RIMS2: variants seen among roughly 807,000 people sequenced by gnomAD.
RIMS2 encodes the protein regulating synaptic membrane exocytosis 2.
RIMS2 carries 59 observed loss-of-function variants against 174.4 expected under a neutral mutation model. That is an observed-to-expected ratio of 0.34 (90% CI 0.27 to 0.42). The LOEUF is 0.42. Ranked by LOEUF, RIMS2 falls within the 10% of genes least tolerant of loss-of-function variation. The pLI is 1.00. For missense variants in RIMS2, 1,620 were observed against 1,666.3 expected (o/e 0.97, Z 0.48); for synonymous variants, 606 against 572.5 (o/e 1.06, Z -0.84).
intron 19 of RIMS2, among the ~76,000 whole-genome samples, chr8:104,224,743 C>T (rs2138783997): frequency 6.6e-6 from 1 of 152,170 alleles, no homozygotes; most frequent in South Asian, 2.1e-4. Flanking sequence ...AGAAATTGCC[C>T]GTTCTAAAAA....
chr8:103,959,544 C>T (rs995459195), intron 14 of RIMS2, among the ~76,000 whole-genome samples: 2 of 151,926 alleles, frequency 1.3e-5, no homozygotes, highest in Non-Finnish European at 2.9e-5. Flanking sequence ...GCTGGGACTA[C>T]AGGTGCATGC....
At chr8:104,039,553 CA>C (rs2096574021) in intron 19 of RIMS2, among the ~76,000 whole-genome samples, 1 of 151,474 alleles carries the variant, frequency 6.6e-6, no homozygotes, top group African/African-American at 2.4e-5. Context: ...ATACTTTCTG[CA>C]AACAATAAGA....
chr8:103,500,768 G>T (rs911340506), exon 1 of RIMS2: 151 of 575,808 alleles, frequency 2.6e-4, no homozygotes, highest in Non-Finnish European at 4.4e-4. Flanking sequence ...TGGATTGAAG[G>T]CCATTGATTT....
chr8:104,197,222 C>CTGGA (rs886406458), intron 19 of RIMS2, among the ~76,000 whole-genome samples: 17 of 147,556 alleles, frequency 1.2e-4, no homozygotes, highest in African/African-American at 4.0e-4. Flanking sequence ...GTTGCCCAGG[C>CTGGA]TGGAGTACAA....
At chr8:103,961,269 A>G (rs761258208) in intron 15 of RIMS2, 136 bp downstream of exon 17, 3 of 587,842 alleles carry the variant, frequency 5.1e-6, no homozygotes, top group Non-Finnish European at 9.0e-6. Context: ...GCAACCTATG[A>G]CAACTTAAAC....
intron 19 of RIMS2, among the ~76,000 whole-genome samples, chr8:104,074,403 T>C (rs1401934355): frequency 2.6e-5 from 4 of 152,186 alleles, no homozygotes; most frequent in Admixed American, 6.6e-5. Context: ...ATAAATTGTT[T>C]AGCACCTAGT....
intron 1 of RIMS2, among the ~76,000 whole-genome samples, chr8:103,589,193 GA>G (rs1185790999): frequency 6.6e-6 from 1 of 151,500 alleles, no homozygotes; most frequent in Non-Finnish European, 1.5e-5. Context: ...CTGATAAGGG[GA>G]TAATAACCAG....
At chr8:103,660,143 C>T (rs1483642711) in intron 1 of RIMS2, among the ~76,000 whole-genome samples, 1 of 152,200 alleles carries the variant, frequency 6.6e-6, no homozygotes, top group South Asian at 2.1e-4. Context: ...ACGTCAATTA[C>T]CTGGATGTTG....
intron 17 of RIMS2, among the ~76,000 whole-genome samples, chr8:104,006,797 AAT>A (rs5893671): frequency 6.6e-6 from 1 of 150,924 alleles, no homozygotes; most frequent in African/African-American, 2.4e-5. Context: ...CTTTACTGAT[AAT>A]ATATATATAT....
chr8:104,134,033 A>G (rs939262361), intron 19 of RIMS2, among the ~76,000 whole-genome samples: 5 of 152,176 alleles, frequency 3.3e-5, no homozygotes, highest in African/African-American at 9.7e-5. Context: ...GAGATTATAT[A>G]TATTTACAAA....
rs143440729 is a variant in RIMS2 at position 103,719,167 on chromosome 8, T to G, written c.387+21871T>G. ...TTAGTGCAAAAGTAATGTTTTAACT[T>G]GACCAGCCATTTGTGATGATGAAGG... On this transcript the variant is annotated intron_variant, in intron 2 of 23. Transcript: ENST00000504942. 7.2e-5 allele frequency among the ~76,000 whole-genome samples: 11 copies of G among 152,328 alleles called. No homozygotes were observed. In the East Asian group the frequency reaches 2.1e-3, roughly 29 times the overall value.
chr8:103,962,379 C>A (rs2090419767), intron 15 of RIMS2, among the ~76,000 whole-genome samples: 1 of 152,088 alleles, frequency 6.6e-6, no homozygotes, highest in Non-Finnish European at 1.5e-5. Context: ...TGTTTAGAAA[C>A]CCTACCCCAC....
chr8:103,574,141 G>A (rs1230461120), intron 1 of RIMS2, among the ~76,000 whole-genome samples: 1 of 151,218 alleles, frequency 6.6e-6, no homozygotes, highest in Non-Finnish European at 1.5e-5. Flanking sequence ...TCTTTTGCAA[G>A]TTGAACTGCT....
chr8:104,001,399 T>G (rs1369098157), intron 17 of RIMS2, among the ~76,000 whole-genome samples: 3 of 151,964 alleles, frequency 2.0e-5, no homozygotes, highest in African/African-American at 7.2e-5. Context: ...AATATTAGCT[T>G]TCATTCCAAT....
At chr8:103,681,366 A>G (rs2096878307) in intron 1 of RIMS2, among the ~76,000 whole-genome samples, 1 of 152,094 alleles carries the variant, frequency 6.6e-6, no homozygotes, top group South Asian at 2.1e-4. Context: ...GAAATAAGTA[A>G]ATGGCACACA....
intron 1 of RIMS2, among the ~76,000 whole-genome samples, chr8:103,670,405 A>C (rs896534640): frequency 1.3e-5 from 2 of 152,216 alleles, no homozygotes; most frequent in Non-Finnish European, 2.9e-5. Context: ...GCTCCTCGTT[A>C]CTTAAGCAAA....
chr8:104,218,186 T>C (rs1158241453), intron 19 of RIMS2, among the ~76,000 whole-genome samples: 1 of 152,244 alleles, frequency 6.6e-6, no homozygotes, highest in African/African-American at 2.4e-5. Context: ...TTCCCGTCTC[T>C]CTCAGCAACT....
At chr8:103,501,200 C>A (rs1563544015) in intron 1 of RIMS2, 138 bp downstream of exon 1, 1 of 507,934 alleles carries the variant, frequency 2.0e-6, no homozygotes, top group Non-Finnish European at 3.2e-6. Context: ...CTGCGGCCAG[C>A]GCCGGCCGCC....
chr8:103,898,373 G>GAAC, intron 4 of RIMS2, among the ~76,000 whole-genome samples: 1 of 151,596 alleles, frequency 6.6e-6, no homozygotes, highest in East Asian at 1.9e-4. Context: ...GTATGTGATA[G>GAAC]TTCTGGTCCT....
Sources: gnomAD v4.1 joint callset for allele counts (sites outside exome capture counted in the v4.1 genomes callset) on GRCh38, gnomAD v4.1.1 for gene constraint, MANE v1.5 for transcripts, NCBI Gene and HGNC (gene_info 2026-07-23, HGNC 2026-07-21) for gene names.